PTPRD: variants seen among roughly 807,000 people sequenced by gnomAD.
The protein encoded by PTPRD is receptor-type tyrosine-protein phosphatase delta.
PTPRD carries 34 observed loss-of-function variants against 214.5 expected under a neutral mutation model. The observed-to-expected ratio is 0.16, with a 90% CI of 0.12 to 0.21. The LOEUF (loss-of-function observed/expected upper bound fraction) is 0.21. Ranked by LOEUF, PTPRD falls within the 10% of genes least tolerant of loss-of-function variation. The pLI, the probability that PTPRD is intolerant of heterozygous loss-of-function variation, is 1.00. For missense variants in PTPRD, 2,545 were observed against 2,398.7 expected (o/e 1.06, Z -1.27); for synonymous variants, 1,128 against 845.7 (o/e 1.33, Z -5.79).
At chr9:9,761,313 C>A (rs2098654038) in intron 6 of PTPRD, among the ~76,000 whole-genome samples, 1 of 152,124 alleles carries the variant, frequency 6.6e-6, no homozygotes, top group African/African-American at 2.4e-5. Flanking sequence ...ATTTATATAT[C>A]ATGTTTAAAA....
At chr9:9,850,494 A>G (rs2060347561) in intron 5 of PTPRD, among the ~76,000 whole-genome samples, 1 of 152,208 alleles carries the variant, frequency 6.6e-6, no homozygotes, top group Non-Finnish European at 1.5e-5. Flanking sequence ...CAGATAATTC[A>G]TAACTAAAAC....
At chr9:8,493,397 T>C (rs1222715510) in intron 26 of PTPRD, among the ~76,000 whole-genome samples, 1 of 152,184 alleles carries the variant, frequency 6.6e-6, no homozygotes, top group Non-Finnish European at 1.5e-5. Context: ...GCCTGGCTTA[T>C]AGGAAGCATT....
At chr9:8,940,855 T>TGAC (rs1342650268) in intron 11 of PTPRD, among the ~76,000 whole-genome samples, 1 of 146,564 alleles carries the variant, frequency 6.8e-6, no homozygotes, top group Non-Finnish European at 1.5e-5. Flanking sequence ...ATGATGATGA[T>TGAC]GATGTTCACA....
chr9:10,319,332 T>G (rs2154426425), intron 3 of PTPRD, among the ~76,000 whole-genome samples: 1 of 152,190 alleles, frequency 6.6e-6, no homozygotes, highest in South Asian at 2.1e-4. Context: ...TGGTTTACAG[T>G]CAGTTATTGC....
At chr9:9,441,931 A>G (rs1365555513) in intron 8 of PTPRD, 1 of 152,218 alleles carries the variant, frequency 6.6e-6, no homozygotes, top group Non-Finnish European at 1.5e-5. Flanking sequence ...TTTGCTTGGG[A>G]TTCTCCTTAC....
At chr9:8,793,249 T>C (rs570568892) in intron 11 of PTPRD, among the ~76,000 whole-genome samples, 1 of 151,294 alleles carries the variant, frequency 6.6e-6, no homozygotes, top group African/African-American at 2.5e-5. Context: ...TTACTCTCTC[T>C]TCCTTTGATC....
chr9:8,871,643 G>A (rs1449065245), intron 11 of PTPRD, among the ~76,000 whole-genome samples: 1 of 152,042 alleles, frequency 6.6e-6, no homozygotes, highest in African/African-American at 2.4e-5. Context: ...TACCCCTAAA[G>A]CTGACATGAT....
rs1172308000 is a variant in PTPRD at position 9,944,762 on chromosome 9, G to A, written c.-471-6152C>T. Among the ~76,000 whole-genome samples, 4 of 152,032 alleles carry A rather than the reference G, an allele frequency of 2.6e-5. No homozygotes were observed. In the East Asian group the frequency reaches 7.7e-4, roughly 29 times the overall value. On this transcript the variant is annotated intron_variant, in intron 4 of 45. Transcript: ENST00000381196. ...GAGGAGAGTAGGTCAGGGTAATGAGGAGACACATAATCTAAATTTGAGTAA... is the reference window on the plus strand; with the variant it reads ...GAGGAGAGTAGGTCAGGGTAATGAGAAGACACATAATCTAAATTTGAGTAA...
At chr9:9,243,997 C>T (rs2099971679) in intron 9 of PTPRD, among the ~76,000 whole-genome samples, 1 of 152,230 alleles carries the variant, frequency 6.6e-6, no homozygotes, top group African/African-American at 2.4e-5. Flanking sequence ...ACACCAATAA[C>T]AGACAGAGAG....
intron 10 of PTPRD, among the ~76,000 whole-genome samples, chr9:9,156,259 T>C (rs2099881086): frequency 1.3e-5 from 2 of 152,078 alleles, no homozygotes; most frequent in Admixed American, 1.3e-4. Context: ...TATTTCCTAA[T>C]AAAATACCTT....
chr9:10,422,105 A>G (rs1436385398), intron 2 of PTPRD, among the ~76,000 whole-genome samples: 1 of 152,056 alleles, frequency 6.6e-6, no homozygotes, highest in Non-Finnish European at 1.5e-5. Context: ...ACTGGTACCA[A>G]AACAAGATAT....
At chr9:8,351,715 G>A (rs996079218) in intron 39 of PTPRD, among the ~76,000 whole-genome samples, 66 of 119,924 alleles carry the variant, frequency 5.5e-4, no homozygotes, top group Admixed American at 1.1e-3. Flanking sequence ...AGGAGTCATT[G>A]TAGAGAGGAG....
intron 3 of PTPRD, among the ~76,000 whole-genome samples, chr9:10,237,626 C>T (rs1288407619): frequency 6.6e-6 from 1 of 151,904 alleles, no homozygotes; most frequent in African/African-American, 2.4e-5. Context: ...TACTATAGTG[C>T]CTAAGGCCAA....
intron 32 of PTPRD, among the ~76,000 whole-genome samples, chr9:8,461,930 A>G (rs1455492488): frequency 6.6e-6 from 1 of 151,906 alleles, no homozygotes; most frequent in Non-Finnish European, 1.5e-5. Flanking sequence ...GATTATAGGT[A>G]TGAGCCACTG....
At chr9:8,755,545 A>AC (rs397944633) in intron 11 of PTPRD, among the ~76,000 whole-genome samples, 1 of 151,940 alleles carries the variant, frequency 6.6e-6, no homozygotes, top group African/African-American at 2.4e-5. Flanking sequence ...AAAAAAAAAA[A>AC]CAGCAGCACA....
At chr9:8,493,948 G>T (rs1315612282) in intron 26 of PTPRD, among the ~76,000 whole-genome samples, 1 of 151,262 alleles carries the variant, frequency 6.6e-6, no homozygotes, top group African/African-American at 2.4e-5. Context: ...AGAGCTGCAT[G>T]TACACATGCG....
At chr9:8,432,443 C>T (rs2095117282) in intron 35 of PTPRD, among the ~76,000 whole-genome samples, 1 of 152,150 alleles carries the variant, frequency 6.6e-6, no homozygotes, top group South Asian at 2.1e-4. Context: ...CCTACTTCCT[C>T]GTATTCTGAC....
At chr9:9,550,812 A>G (rs1591386451) in intron 8 of PTPRD, among the ~76,000 whole-genome samples, 2 of 151,960 alleles carry the variant, frequency 1.3e-5, no homozygotes, top group Admixed American at 6.6e-5. Context: ...ATTTTACTAA[A>G]GAGGATATAG....
intron 8 of PTPRD, among the ~76,000 whole-genome samples, chr9:9,538,216 G>C (rs1450338908): frequency 6.6e-6 from 1 of 151,806 alleles, no homozygotes; most frequent in African/African-American, 2.4e-5. Flanking sequence ...TGAAAGAATA[G>C]ACTTTCTTAC....
Sources: gnomAD v4.1 joint callset for allele counts (sites outside exome capture counted in the v4.1 genomes callset) on GRCh38, gnomAD v4.1.1 for gene constraint, MANE v1.5 for transcripts, NCBI Gene and HGNC (gene_info 2026-07-23, HGNC 2026-07-21) for gene names.